The following CRYAB variants were observed in gnomAD, a reference collection of about 807,000 sequenced individuals.
The protein encoded by CRYAB is crystallin alpha B, also known as alpha-crystallin B chain.
Under a neutral mutation model 12.7 loss-of-function variants are expected in CRYAB, and 9 were observed. That is an observed-to-expected ratio of 0.71 (90% CI 0.43 to 1.24). The LOEUF (loss-of-function observed/expected upper bound fraction) is 1.24. CRYAB is among the 50% of genes most tolerant of loss of function. The probability of loss-of-function intolerance (pLI) is 0.00; values close to 1 mark genes in which losing one functional copy is unlikely to be tolerated. For synonymous variants in CRYAB, 93 were observed against 86.8 expected (o/e 1.07, Z -0.40); for missense variants, 183 against 226.6 (o/e 0.81, Z 1.24).
At chr11:111,915,494 T>C (rs999234228), upstream of CRYAB, among the ~76,000 whole-genome samples, 1 of 152,324 alleles carries the variant, frequency 6.6e-6, no homozygotes, top group East Asian at 1.9e-4. Context: ...CTTTCCAGAA[T>C]CTAGTTGAGA....
upstream of CRYAB, among the ~76,000 whole-genome samples, chr11:111,915,953 G>A (rs1023611697): frequency 1.3e-5 from 2 of 152,022 alleles, no homozygotes; most frequent in African/African-American, 4.8e-5. Context: ...TGTTGTCCAG[G>A]CTGGTCTTGA....
At chr11:111,917,158 T>A (rs587655315), upstream of CRYAB, among the ~76,000 whole-genome samples, 1 of 152,320 alleles carries the variant, frequency 6.6e-6, no homozygotes, top group South Asian at 2.1e-4. Context: ...GCCAAGCCAC[T>A]GTGTAAACCC....
At chr11:111,915,208 A>G (rs1209052963), upstream of CRYAB, among the ~76,000 whole-genome samples, 1 of 152,232 alleles carries the variant, frequency 6.6e-6, no homozygotes, top group Non-Finnish European at 1.5e-5. Flanking sequence ...TGGCAATACA[A>G]TTTGAATAGG....
chr11:111,910,596 A>T (rs1234155607), intron 1 of CRYAB, 147 bp from the exon 2 acceptor site: 6 of 1,042,586 alleles, frequency 5.8e-6, no homozygotes, highest in African/African-American at 3.2e-5. Context: ...TTTTAAATAA[A>T]CATAGCTGTC....
chr11:111,916,527 C>G (rs1343784459), upstream of CRYAB, among the ~76,000 whole-genome samples: 1 of 152,186 alleles, frequency 6.6e-6, no homozygotes, highest in Non-Finnish European at 1.5e-5. Flanking sequence ...CCAGCCATGC[C>G]TTGTTCTTTC....
upstream of CRYAB, among the ~76,000 whole-genome samples, chr11:111,914,425 T>G (rs1160507685): frequency 6.6e-6 from 1 of 152,098 alleles, no homozygotes; most frequent in Admixed American, 6.5e-5. Context: ...CCTTTTTGGG[T>G]AGGGGCTGGG....
At chr11:111,913,220 C>G, upstream of CRYAB, 5 of 606,496 alleles carry the variant, frequency 8.2e-6, no homozygotes, top group South Asian at 9.9e-5. Flanking sequence ...TCCTCCCCCT[C>G]CTCCTCCTTC....
chr11:111,913,821 G>A, upstream of CRYAB: 1 of 1,614,184 alleles, frequency 6.2e-7, no homozygotes, highest in Non-Finnish European at 8.5e-7. Context: ...AGAGGTCAAT[G>A]AGGTCTACAT....
chr11:111,909,472 G>A (rs995251641), intron 2 of CRYAB, among the ~76,000 whole-genome samples: 6 of 152,146 alleles, frequency 3.9e-5, no homozygotes, highest in Non-Finnish European at 7.3e-5. Flanking sequence ...ACATTACTGA[G>A]GACAAACTGT....
chr11:111,919,481 C>CA (rs1162956699), intron 1 of CRYAB, among the ~76,000 whole-genome samples: 4 of 149,188 alleles, frequency 2.7e-5, no homozygotes, highest in South Asian at 4.2e-4. Flanking sequence ...ACAACAACAA[C>CA]AACAAAAAAA....
At chr11:111,912,945 C>T (rs1398041854), upstream of CRYAB, 19 of 1,526,748 alleles carry the variant, frequency 1.2e-5, no homozygotes, top group Non-Finnish European at 1.7e-5. Context: ...ACACCACCCC[C>T]TTGCCCCCCA....
At chr11:111,912,808 G>A (rs782283847), upstream of CRYAB, 1 of 1,576,930 alleles carries the variant, frequency 6.3e-7, no homozygotes, top group Non-Finnish European at 8.6e-7. Flanking sequence ...CTCGGACCAG[G>A]GCTTCTGCTG....
At chr11:111,917,881 T>G (rs782000530), upstream of CRYAB, among the ~76,000 whole-genome samples, 3 of 152,020 alleles carry the variant, frequency 2.0e-5, no homozygotes, top group Non-Finnish European at 4.4e-5. Flanking sequence ...TTTGTAATAA[T>G]AACAACAATG....
upstream of CRYAB, chr11:111,914,210 C>A (rs2137391609): frequency 3.6e-6 from 1 of 278,786 alleles, no homozygotes; most frequent in Admixed American, 4.7e-5. Context: ...GTCATAGGAC[C>A]CTGAGCTCGC....
chr11:111,920,729 A>C (rs2137399371), intron 1 of CRYAB, among the ~76,000 whole-genome samples: 1 of 152,280 alleles, frequency 6.6e-6, no homozygotes, highest in South Asian at 2.1e-4. Flanking sequence ...ACACCACTGC[A>C]CTCCAGTGTG....
chr11:111,918,196 T>C (rs1204636222), upstream of CRYAB: 1 of 152,830 alleles, frequency 6.5e-6, no homozygotes, highest in African/African-American at 2.4e-5. Context: ...AGTCTAACTT[T>C]GGGTTACTGG....
intron 1 of CRYAB, among the ~76,000 whole-genome samples, chr11:111,920,232 A>G (rs1394622828): frequency 6.6e-5 from 10 of 151,862 alleles, no homozygotes; most frequent in Non-Finnish European, 1.5e-5. Context: ...AAATAAAATA[A>G]AATAAATTAA....
At chr11:111,914,919 AT>A (rs1555166030), upstream of CRYAB, among the ~76,000 whole-genome samples, 1 of 152,082 alleles carries the variant, frequency 6.6e-6, no homozygotes, top group African/African-American at 2.4e-5. Context: ...CTACAAAAAA[AT>A]AAAAATTAGC....
At chr11:111,918,690 T>G in intron 1 of CRYAB, 1 of 683,890 alleles carries the variant, frequency 1.5e-6, no homozygotes, top group Non-Finnish European at 2.7e-6. Flanking sequence ...TTCTTTTTAT[T>G]GAAGCTTGAA....
Sources: allele counts gnomAD v4.1 joint callset (sites outside exome capture counted in the v4.1 genomes callset), GRCh38; gene constraint gnomAD v4.1.1; transcripts MANE v1.5; gene names NCBI Gene and HGNC (gene_info 2026-07-23, HGNC 2026-07-21).